Variants in KHDRBS2 observed in about 807,000 individuals in gnomAD.
KHDRBS2 encodes the protein KH domain-containing, RNA-binding, signal transduction-associated protein 2.
KHDRBS2 carries 26 observed loss-of-function variants against 44.3 expected under a neutral mutation model. That is an observed-to-expected ratio of 0.59 (90% CI 0.43 to 0.81). KHDRBS2 has a LOEUF of 0.81. Ranked by LOEUF, KHDRBS2 falls within the 40% of genes least tolerant of loss-of-function variation. KHDRBS2 has a pLI of 0.00. For missense variants in KHDRBS2, 476 were observed against 433.1 expected (o/e 1.10, Z -0.88); for synonymous variants, 194 against 151.1 (o/e 1.28, Z -2.08).
At chr6:62,283,525 C>T (rs1475309083) in intron 1 of KHDRBS2, among the ~76,000 whole-genome samples, 2 of 152,146 alleles carry the variant, frequency 1.3e-5, no homozygotes, top group Non-Finnish European at 2.9e-5. Context: ...AGGCTTGACA[C>T]TGTCTGCACA....
intron 2 of KHDRBS2, among the ~76,000 whole-genome samples, chr6:62,089,457 C>G (rs1323502386): frequency 6.6e-6 from 1 of 152,050 alleles, no homozygotes; most frequent in Non-Finnish European, 1.5e-5. Context: ...ATGGCATGAT[C>G]CAGCTTCCCT....
chr6:61,666,263 A>T, the KHDRBS2 span, among the ~76,000 whole-genome samples: 1 of 142,360 alleles, frequency 7.0e-6, no homozygotes, highest in East Asian at 2.2e-4. Context: ...ACCAAATATC[A>T]TTATCAAATA....
intron 2 of KHDRBS2, among the ~76,000 whole-genome samples, chr6:62,145,045 A>G (rs1813636129): frequency 6.6e-6 from 1 of 152,050 alleles, no homozygotes; most frequent in Admixed American, 6.6e-5. Flanking sequence ...GGGTCTCACC[A>G]GAAGCATATT....
intron 6 of KHDRBS2, among the ~76,000 whole-genome samples, chr6:61,824,026 G>A (rs142442591): frequency 9.3e-4 from 141 of 152,102 alleles, no homozygotes; most frequent in African/African-American, 3.1e-3. Context: ...TTTCCCAAAA[G>A]AAAATTTTTT....
intron 1 of KHDRBS2, among the ~76,000 whole-genome samples, chr6:62,262,749 T>C (rs898669549): frequency 1.3e-5 from 2 of 151,706 alleles, no homozygotes; most frequent in Admixed American, 1.3e-4. Flanking sequence ...ACTCAATTAG[T>C]ATTGGCTAAA....
intron 1 of KHDRBS2, among the ~76,000 whole-genome samples, chr6:62,254,792 T>C (rs1837106858): frequency 6.6e-6 from 1 of 152,030 alleles, no homozygotes; most frequent in Non-Finnish European, 1.5e-5. Context: ...TGGAGAAGAC[T>C]GGCAATATGC....
chr6:61,731,126 A>C (rs1774370606), intron 7 of KHDRBS2, among the ~76,000 whole-genome samples: 1 of 152,038 alleles, frequency 6.6e-6, no homozygotes, highest in South Asian at 2.1e-4. Flanking sequence ...CTTTGTTATC[A>C]CTATTTTTAT....
At chr6:62,173,081 C>A (rs1240216865) in intron 2 of KHDRBS2, among the ~76,000 whole-genome samples, 4 of 151,358 alleles carry the variant, frequency 2.6e-5, no homozygotes, top group Non-Finnish European at 5.9e-5. Flanking sequence ...AAGGAATAAA[C>A]AAAACCAGGC....
chr6:62,074,286 A>C (rs1194546314), intron 2 of KHDRBS2, among the ~76,000 whole-genome samples: 2 of 151,882 alleles, frequency 1.3e-5, no homozygotes, highest in Admixed American at 1.3e-4. Context: ...GTGTTAAGCC[A>C]CTACATTTGT....
chr6:62,232,524 CCAA>C (rs778856054), intron 1 of KHDRBS2, among the ~76,000 whole-genome samples: 14 of 151,944 alleles, frequency 9.2e-5, no homozygotes, highest in Non-Finnish European at 7.4e-5. Context: ...AAAAAAACCA[CCAA>C]CAACAACAAA....
chr6:62,012,450 A>G (rs1206466104), intron 3 of KHDRBS2, among the ~76,000 whole-genome samples: 1 of 152,152 alleles, frequency 6.6e-6, no homozygotes, highest in African/African-American at 2.4e-5. Context: ...TAAAATATAA[A>G]TAGAATTCAC....
chr6:61,706,953 C>CGAAACA (rs1189447915), intron 7 of KHDRBS2, among the ~76,000 whole-genome samples: 1 of 107,544 alleles, frequency 9.3e-6, no homozygotes, highest in Non-Finnish European at 2.2e-5. Flanking sequence ...AAAACAAAAA[C>CGAAACA]AAAAACAAAA....
At chr6:61,846,282 T>C (rs1794390421) in intron 6 of KHDRBS2, among the ~76,000 whole-genome samples, 1 of 152,226 alleles carries the variant, frequency 6.6e-6, no homozygotes, top group Admixed American at 6.5e-5. Context: ...GACTACTGAT[T>C]AAATTGCATG....
At chr6:61,949,613 T>G (rs2127382554) in intron 4 of KHDRBS2, among the ~76,000 whole-genome samples, 1 of 152,274 alleles carries the variant, frequency 6.6e-6, no homozygotes, top group South Asian at 2.1e-4. Flanking sequence ...GTAATGTATT[T>G]TTATACATGA....
At chr6:61,950,783 A>G (rs1307104276) in intron 4 of KHDRBS2, among the ~76,000 whole-genome samples, 1 of 152,022 alleles carries the variant, frequency 6.6e-6, no homozygotes, top group African/African-American at 2.4e-5. Flanking sequence ...TTCCATTGCC[A>G]TATCTTTTGT....
chr6:61,728,279 G>C (rs533258077), intron 7 of KHDRBS2, among the ~76,000 whole-genome samples: 1 of 152,072 alleles, frequency 6.6e-6, no homozygotes, highest in African/African-American at 2.4e-5. Context: ...ACACACTGGG[G>C]CCTCTTGGAG....
chr6:61,752,690 A>AAG (rs1316470491), intron 6 of KHDRBS2, among the ~76,000 whole-genome samples: 1 of 150,974 alleles, frequency 6.6e-6, no homozygotes, highest in Non-Finnish European at 1.5e-5. Flanking sequence ...AAAAAAAAAA[A>AAG]AAAGAACAAA....
chr6:61,966,723 A>G (rs1250335340), intron 4 of KHDRBS2, among the ~76,000 whole-genome samples: 3 of 152,094 alleles, frequency 2.0e-5, no homozygotes, highest in East Asian at 3.9e-4. Flanking sequence ...TGTTATTATT[A>G]TTTTTTGGAA....
At chr6:61,562,558 A>T in the KHDRBS2 span, among the ~76,000 whole-genome samples, 1 of 152,144 alleles carries the variant, frequency 6.6e-6, no homozygotes, top group African/African-American at 2.4e-5. Flanking sequence ...TGAAATGTAT[A>T]TAAATCCTTT....
Sources: gnomAD v4.1 joint callset for allele counts (sites outside exome capture counted in the v4.1 genomes callset) on GRCh38, gnomAD v4.1.1 for gene constraint, MANE v1.5 for transcripts, NCBI Gene and HGNC (gene_info 2026-07-23, HGNC 2026-07-21) for gene names.